The following WIPI2 variants were observed in gnomAD, a reference collection of about 807,000 sequenced individuals.
WIPI2 encodes the protein WD repeat domain phosphoinositide-interacting protein 2.
In WIPI2, 28 loss-of-function variants were observed where a neutral mutation model predicts 52.3. The ratio of observed to expected loss-of-function variants is 0.54; its 90% confidence interval spans 0.40 to 0.73. The LOEUF (loss-of-function observed/expected upper bound fraction) is 0.73, where lower values mean the gene tolerates loss of function less well. Among genes scored for constraint, WIPI2 ranks in the 30% least tolerant of loss-of-function variants. The pLI, the probability that WIPI2 is intolerant of heterozygous loss-of-function variation, is 0.00. For synonymous variants in WIPI2, 268 were observed against 245.0 expected (o/e 1.09, Z -0.88); for missense variants, 506 against 602.9 (o/e 0.84, Z 1.68).
chr7:5,198,831 G>A (rs1035044173), intron 2 of WIPI2, among the ~76,000 whole-genome samples: 2 of 152,124 alleles, frequency 1.3e-5, no homozygotes, highest in Non-Finnish European at 2.9e-5. Context: ...GGTATACAGT[G>A]TGATGTTTTA....
chr7:5,229,531 G>A (rs781608703), intron 11 of WIPI2, 77 bp from the exon 12 acceptor site: 43 of 1,522,460 alleles, frequency 2.8e-5, no homozygotes, highest in South Asian at 2.1e-4. Flanking sequence ...CTCTGTTGCC[G>A]CAGGGCAGCC....
chr7:5,221,214 G>A (rs905831550), intron 7 of WIPI2, among the ~76,000 whole-genome samples: 56 of 151,624 alleles, frequency 3.7e-4, no homozygotes, highest in African/African-American at 1.2e-3. Flanking sequence ...CACTCACCTC[G>A]GGCTCCCAAA....
At chr7:5,204,708 A>T (rs995463824) in intron 3 of WIPI2, among the ~76,000 whole-genome samples, 62 of 149,108 alleles carry the variant, frequency 4.2e-4, no homozygotes, top group African/African-American at 1.3e-3. Flanking sequence ...TTTTTTTTTT[A>T]AAACACAGGG....
In WIPI2 at chr7:5,190,585, C is replaced by G. The variant is rs985062178; in HGVS notation, c.74+92C>G. The G allele has an allele frequency of 6.0e-5, 74 of 1,237,556 alleles. 1 individual carries two copies. The highest frequency in any genetic ancestry group is 7.3e-5 in the Non-Finnish European group (70 of 960,410). 76.7% of individuals were successfully genotyped at this position (1,237,556 alleles called of 1,614,324 possible). ...CTCGCTGCCAAGCTCGGCGGCGTCG[C>G]AGGCTCGGCCTCCCCGCGGGCCAAG... On this transcript the variant is annotated intron_variant, in intron 1 of 12. Coordinates refer to ENST00000288828, the MANE Select transcript of WIPI2 (RefSeq NM_015610.4).
At chr7:5,206,267 C>T (rs1032843999) in intron 3 of WIPI2, among the ~76,000 whole-genome samples, 1 of 152,138 alleles carries the variant, frequency 6.6e-6, no homozygotes, top group Non-Finnish European at 1.5e-5. Flanking sequence ...GGATGCTTGC[C>T]TGTGTCCTTA....
rs10252983 is a variant in WIPI2, at chr7:5,210,052, C to T, written c.212-4483C>T. Among the ~76,000 whole-genome samples, 582 of 152,164 alleles carry T rather than the reference C, an allele frequency of 3.8e-3. 5 individuals are homozygous for T. Among genetic ancestry groups the T allele is most frequent in the African/African-American group, 0.013 (531 of 41,508 alleles). ...CCTCCCAAGTAGCTGGGATTACAGG[C>T]GCCCACCGCGATGCCCGGCTCATTT... is the stretch of plus-strand genomic sequence containing the variant. On this transcript the variant is annotated intron_variant, in intron 3 of 12. Coordinates refer to ENST00000288828, the MANE Select transcript of WIPI2 (RefSeq NM_015610.4).
rs1413518348 is a variant in WIPI2, at chr7:5,230,048, T to C, written c.1252+310T>C. Among the ~76,000 whole-genome samples, 2 of 151,670 alleles carry C rather than the reference T, an allele frequency of 1.3e-5. No individual in the cohort carries two copies. The highest frequency in any genetic ancestry group is 4.8e-5 in the African/African-American group (2 of 41,300). On this transcript the variant is annotated intron_variant, in intron 12 of 12. Transcript: ENST00000288828. The surrounding 1 kb of genome is among the most constrained non-coding windows in gnomAD (Gnocchi z 4.8). ...TCAGCCTCCCACAGTGCTGGGATTA[T>C]AGGCATGAGCCACCGTACCAGGCTC... is the stretch of plus-strand genomic sequence containing the variant.
chr7:5,211,466 C>T (rs1319425726), intron 3 of WIPI2, among the ~76,000 whole-genome samples: 2 of 152,166 alleles, frequency 1.3e-5, no homozygotes, highest in Admixed American at 6.5e-5. Flanking sequence ...AAGCAAAACT[C>T]TGTCTCAAAA....
chr7:5,217,013 T>C, intron 5 of WIPI2, 77 bp from the exon 6 acceptor site: 1 of 1,388,976 alleles, frequency 7.2e-7, no homozygotes, highest in Non-Finnish European at 1.0e-6. Flanking sequence ...GTTAAATGAA[T>C]GCTGAATTAT....
At chr7:5,213,768 C>T (rs1782676870) in intron 3 of WIPI2, among the ~76,000 whole-genome samples, 1 of 152,098 alleles carries the variant, frequency 6.6e-6, no homozygotes, top group African/African-American at 2.4e-5. Context: ...TCACTTCAAG[C>T]TCCGTCCCCC....
At chr7:5,199,026 G>A (rs887149576) in intron 2 of WIPI2, among the ~76,000 whole-genome samples, 4 of 151,910 alleles carry the variant, frequency 2.6e-5, no homozygotes, top group Non-Finnish European at 5.9e-5. Flanking sequence ...AAGTTTTTTG[G>A]TTTCTTTTCT....
chr7:5,214,297 T>G lies in WIPI2; in HGVS notation c.212-238T>G, dbSNP rs1304661437. 3.3e-6 allele frequency: 5 copies of G among 1,514,568 alleles called. No individual in the cohort carries two copies. The Admixed American group carries it at 1.0e-4, about 30-fold the overall frequency. The allele number at this position is 1,514,568 out of a possible 1,614,324, so 93.8% of individuals were successfully genotyped here. On this transcript the variant is annotated intron_variant, in intron 3 of 12. Transcript: ENST00000288828. Reference sequence around the variant, plus strand: ...GAACTGACTGAAAGGAACCTTTGTCTTTCGTGTGAATGCTCGTGAGGGGCC... The same window carrying G: ...GAACTGACTGAAAGGAACCTTTGTCGTTCGTGTGAATGCTCGTGAGGGGCC...
In WIPI2 at chr7:5,222,646, C is replaced by CT. The variant is rs1562404519; in HGVS notation, c.717dup (p.Glu240Ter). On this transcript the variant is annotated frameshift_variant, in exon 8 of 13. Coordinates refer to ENST00000288828, the MANE Select transcript of WIPI2 (RefSeq NM_015610.4). LOFTEE classifies it high-confidence loss of function. ...TTTCCATTCCAGAAGGACAAAAACT[C>CT]TTTGAGTTTCGGAGAGGAGTAAAGA... The CT allele has an allele frequency of 1.2e-6, 2 of 1,614,034 alleles. No homozygotes were observed. The highest frequency in any genetic ancestry group is 2.2e-5 in the East Asian group (1 of 44,864).
intron 3 of WIPI2, among the ~76,000 whole-genome samples, chr7:5,200,802 G>T (rs1213480319): frequency 6.6e-6 from 1 of 152,162 alleles, no homozygotes; most frequent in Admixed American, 6.5e-5. Context: ...TCGGGGATGT[G>T]TCTGATTCTT....
At chr7:5,215,375 A>G (rs924527909) in intron 4 of WIPI2, among the ~76,000 whole-genome samples, 7 of 152,210 alleles carry the variant, frequency 4.6e-5, no homozygotes, top group Admixed American at 4.6e-4. Flanking sequence ...TGAATTCAAG[A>G]TGAAGGATTT....
At chr7:5,225,045 G>A (rs1215948740) in intron 8 of WIPI2, among the ~76,000 whole-genome samples, 1 of 152,118 alleles carries the variant, frequency 6.6e-6, no homozygotes, top group African/African-American at 2.4e-5. Flanking sequence ...CTAGGGTTAT[G>A]AAGAAATTCA....
At position 5,216,559 on chromosome 7, in the gene WIPI2, C is replaced by T. The variant is rs756250041; in HGVS notation, c.382-4C>T. 3 of 1,614,082 alleles carry T rather than the reference C, an allele frequency of 1.9e-6. No homozygotes were observed. Among genetic ancestry groups the T allele is most frequent in the Non-Finnish European group, 1.7e-6 (2 of 1,179,954 alleles). On this transcript the variant is annotated splice_region_variant and splice_polypyrimidine_tract_variant and intron_variant, in intron 4 of 12. Transcript: ENST00000288828. The stretch of plus-strand genomic sequence containing the variant: ...CGTTTGGTTTCGTTTTGTCTCTCGC[C>T]TAGAGGCTGATAGTATGCCTGGAGG...
chr7:5,215,292 C>T (rs1016682975), intron 4 of WIPI2, among the ~76,000 whole-genome samples: 1 of 152,122 alleles, frequency 6.6e-6, no homozygotes, highest in Non-Finnish European at 1.5e-5. Flanking sequence ...GCTTGGGCAA[C>T]AAGAGTGAGA....
Position 5,220,840 on chromosome 7 carries a change from C to T in WIPI2, c.670-1762C>T, listed in dbSNP as rs1783085253. Among the ~76,000 whole-genome samples the T allele has an allele frequency of 1.3e-5, 2 of 151,972 alleles. 1 individual carries two copies. The highest frequency in any genetic ancestry group is 4.1e-4 in the South Asian group (2 of 4,820). On this transcript the variant is annotated intron_variant, in intron 7 of 12. Coordinates refer to ENST00000288828, the MANE Select transcript of WIPI2 (RefSeq NM_015610.4). ...AGACAGAGTCTCTCTGTAGCCCAAG[C>T]TGGAGTGCAATGGCGCGATCTCAGC...
Sources: gnomAD v4.1 joint callset for allele counts (sites outside exome capture counted in the v4.1 genomes callset) on GRCh38, gnomAD v4.1.1 for gene constraint, Gnocchi (gnomAD v3.1) non-coding constraint, MANE v1.5 for transcripts, NCBI Gene and HGNC (gene_info 2026-07-23, HGNC 2026-07-21) for gene names.